TTC21A: variants seen among roughly 807,000 people sequenced by gnomAD.
TTC21A encodes tetratricopeptide repeat domain 21A.
A neutral mutation model predicts 156.4 loss-of-function variants in TTC21A; 128 were observed. The ratio of observed to expected loss-of-function variants is 0.82; its 90% confidence interval spans 0.71 to 0.95. TTC21A has a LOEUF of 0.95. TTC21A is among the 40% of genes least tolerant of loss of function. The probability of loss-of-function intolerance (pLI) is 0.00; values close to 1 mark genes in which losing one functional copy is unlikely to be tolerated. For synonymous variants in TTC21A, 587 were observed against 617.1 expected, an observed-to-expected ratio of 0.95 and a Z score of 0.72; for missense variants, 1,435 against 1,602.3, an observed-to-expected ratio of 0.90 and a Z score of 1.78.
chr3:39,107,898 C>T, intron 1 of TTC21A, 34 bp downstream of exon 1: 1 of 1,609,958 alleles, frequency 6.2e-7, no homozygotes, highest in South Asian at 1.1e-5. Flanking sequence ...AGGGCTCCCT[C>T]GTGACTCCCC....
chr3:39,131,042 G>GC lies in TTC21A; in HGVS notation c.2510dup (p.Val839GlyfsTer6). 1 of 1,613,462 alleles carries GC rather than the reference G, an allele frequency of 6.2e-7. No individual in the cohort carries two copies. Among genetic ancestry groups the GC allele is most frequent in the Non-Finnish European group, 8.5e-7 (1 of 1,180,018 alleles). ...TGATGTTAAGTGCCTGCTTTTGCTG[G>GC]CAAAGGTTTACAAGAGCCATAAAAA... On this transcript the variant is annotated frameshift_variant, in exon 19 of 29. Transcript: ENST00000683103. LOFTEE classifies it high-confidence loss of function.
intron 22 of TTC21A, 136 bp downstream of exon 22, chr3:39,135,310 A>T: frequency 1.3e-6 from 1 of 778,960 alleles, no homozygotes; most frequent in Non-Finnish European, 2.2e-6. Flanking sequence ...CCAGAGAAGC[A>T]GGAAACTGAT....
chr3:39,135,435 G>T (rs910541698), intron 22 of TTC21A, among the ~76,000 whole-genome samples: 1 of 152,240 alleles, frequency 6.6e-6, no homozygotes, highest in Non-Finnish European at 1.5e-5. Context: ...CAGCCAATGG[G>T]GCTTGACACA....
Position 39,125,377 on chromosome 3 carries a change from G to A in TTC21A, c.1237G>A (p.Gly413Arg). ...CCTCCTGATGTCCAGGAAGCACAAG[G>A]GGGAGGAAGAGACCACAGCGCTCCT... ...QALLMSRKHK[G>R]EEETTALLKE... The change falls in exon 11 of 29, where the codon GGG (glycine) becomes AGG (arginine). Residue 413 changes from glycine to arginine, a missense_variant. Gly to Arg is a moderately radical substitution (Grantham distance 125). Transcript: ENST00000683103. The A allele has an allele frequency of 6.2e-7, 1 of 1,614,178 alleles. No homozygotes were observed. The highest frequency in any genetic ancestry group is 1.1e-5 in the South Asian group (1 of 91,072).
chr3:39,134,388 GACC>G lies in TTC21A; in HGVS notation c.2862+62_2862+64del. ...CTTCCTCCCTTCCCAGGGTCCCTGT[GACC>G]AGATGCAGGCTACTTCCTAGCCCCG... On this transcript the variant is annotated intron_variant, in intron 21 of 28. Coordinates refer to ENST00000683103, the MANE Select transcript of TTC21A (RefSeq NM_001366900.1). This position sits in a 1 kb window ranked among gnomAD's most constrained non-coding sequence, Gnocchi z 4.6. 8.2e-7 allele frequency: 1 copy of G among 1,214,532 alleles called. No individual in the cohort carries two copies. Among genetic ancestry groups the G allele is most frequent in the Non-Finnish European group, 1.2e-6 (1 of 815,508 alleles). 75.2% of individuals were successfully genotyped at this position (1,214,532 alleles called of 1,614,324 possible).
intron 1 of TTC21A, chr3:39,108,299 T>C (rs2036424983): frequency 5.4e-6 from 1 of 185,174 alleles, no homozygotes; most frequent in Non-Finnish European, 1.1e-5. Context: ...TATCTTTTTA[T>C]CTTCTAGCCC....
chr3:39,127,778 GC>G lies in TTC21A; in HGVS notation c.1523-551del, dbSNP rs202189826. The stretch of plus-strand genomic sequence containing the variant: ...GAGCTGAAGCTCAGGAACCCAATAG[GC>G]CTGGACGTAAATGCCAACTTCGCCC... On this transcript the variant is annotated intron_variant, in intron 12 of 28. Coordinates refer to ENST00000683103, the MANE Select transcript of TTC21A (RefSeq NM_001366900.1). Among the ~76,000 whole-genome samples, 807 of 152,288 alleles carry G rather than the reference GC, an allele frequency of 5.3e-3. 5 individuals are homozygous for G. Among genetic ancestry groups the G allele is most frequent in the Middle Eastern group, 0.014 (4 of 294 alleles).
chr3:39,121,034 G>GCACC lies in TTC21A; in HGVS notation c.938_939insCACC (p.Phe314ThrfsTer68). On this transcript the variant is annotated frameshift_variant, in exon 9 of 29. Coordinates refer to ENST00000683103, the MANE Select transcript of TTC21A (RefSeq NM_001366900.1). LOFTEE classifies it high-confidence loss of function. ...CAGGTGATTCTAGGGCTAGTGTGTA[G>GCACC]TTTCATCGAGCGCACCTTCATGGCC... 6.2e-7 allele frequency: 1 copy of GCACC among 1,613,288 alleles called. No homozygotes were observed.
chr3:39,138,185 G>T, intron 26 of TTC21A, 82 bp from the exon 27 acceptor site: 1 of 1,596,040 alleles, frequency 6.3e-7, no homozygotes, highest in South Asian at 1.1e-5. Context: ...CCTGCTTCTG[G>T]TTCTGGTCCC....
At chr3:39,110,786 C>A (rs2036753863) in intron 3 of TTC21A, 65 bp from the exon 4 acceptor site, 1 of 1,588,246 alleles carries the variant, frequency 6.3e-7, no homozygotes, top group Admixed American at 1.7e-5. Context: ...CCTCGGTGGC[C>A]CATGCAGAAC....
intron 22 of TTC21A, 39 bp downstream of exon 22, chr3:39,135,213 C>A (rs571897329): frequency 3.1e-5 from 49 of 1,561,412 alleles, no homozygotes; most frequent in Non-Finnish European, 4.3e-5. Flanking sequence ...CCAGTTCCCA[C>A]TGAGCAAGGG....
Position 39,111,007 on chromosome 3 carries a change from G to A in TTC21A, c.425G>A (p.Gly142Asp). ...YIDRMLKISR[G>D]FREAYVLRGW... ...GACCGCATGCTGAAGATTTCTAGAG[G>A]CTTCAGAGAGGTACTTACCACACCA... Residue 142 changes from glycine to aspartate, a missense_variant, in exon 4 of 29, where the codon GGC becomes GAC. Gly to Asp is a moderately conservative substitution (Grantham distance 94, BLOSUM62 -1). Coordinates refer to ENST00000683103, the MANE Select transcript of TTC21A (RefSeq NM_001366900.1). The A allele has an allele frequency of 1.2e-6, 2 of 1,609,318 alleles. No individual in the cohort carries two copies. Among genetic ancestry groups the A allele is most frequent in the Non-Finnish European group, 1.7e-6 (2 of 1,177,062 alleles).
At chr3:39,111,736 A>G (rs1388444320) in intron 4 of TTC21A, among the ~76,000 whole-genome samples, 1 of 152,208 alleles carries the variant, frequency 6.6e-6, no homozygotes, top group Admixed American at 6.5e-5. Context: ...AGGCACTAAC[A>G]TTTCTTGGAA....
In TTC21A at chr3:39,129,284, C is replaced by T. The variant is rs1221854640; in HGVS notation, c.2109C>T (p.Asp703=). Residue 703 remains aspartate (D), a synonymous_variant, in exon 15 of 29, where the codon GAC becomes GAT. Coordinates refer to ENST00000683103, the MANE Select transcript of TTC21A (RefSeq NM_001366900.1). The part of the protein sequence containing the change: ...MANIYLQTLR[D]RRLYIRCYRE... ...ACATCTACCTGCAGACCCTCAGAGA[C>T]AGGCGCCTCTACATCAGATGCTACC... The T allele has an allele frequency of 1.2e-6, 2 of 1,614,180 alleles. No homozygotes were observed. Among genetic ancestry groups the T allele is most frequent in the Admixed American group, 1.7e-5 (1 of 60,030 alleles).
chr3:39,131,085 C>T lies in TTC21A; in HGVS notation c.2552C>T (p.Thr851Ile), dbSNP rs2038696600. 3.7e-6 allele frequency: 6 copies of T among 1,608,354 alleles called. No homozygotes were observed. The highest frequency in any genetic ancestry group is 4.2e-6 in the Non-Finnish European group (5 of 1,179,896). ...CATAAAAAAGAAGCTGTGATAGAAACTTTGAACAAGGTAATTGACAGGTGG... is the reference window on the plus strand; with the variant it reads ...CATAAAAAAGAAGCTGTGATAGAAATTTTGAACAAGGTAATTGACAGGTGG... ...KSHKKEAVIE[T>I]LNKALDLQSR... is the part of the protein sequence containing the mutation. The change falls in exon 19 of 29, where the codon ACT (threonine) becomes ATT (isoleucine). Residue 851 changes from threonine to isoleucine, a missense_variant. Physicochemically the swap from Thr to Ile is moderately conservative, Grantham distance 89 (BLOSUM62 -1). Coordinates refer to ENST00000683103, the MANE Select transcript of TTC21A (RefSeq NM_001366900.1).
Position 39,136,353 on chromosome 3 carries a change from T to A in TTC21A, c.2945-4T>A, listed in dbSNP as rs1402798092. 1.2e-6 allele frequency: 2 copies of A among 1,610,442 alleles called. No individual in the cohort carries two copies. Among genetic ancestry groups the A allele is most frequent in the East Asian group, 4.5e-5 (2 of 44,836 alleles). The stretch of plus-strand genomic sequence containing the variant: ...AGCCTGGAGATTTCTGTCTCTTATT[T>A]TAGACAATTTTTTGGTATTGCATAA... On this transcript the variant is annotated splice_region_variant and splice_polypyrimidine_tract_variant and intron_variant, in intron 22 of 28. Coordinates refer to ENST00000683103, the MANE Select transcript of TTC21A (RefSeq NM_001366900.1).
intron 6 of TTC21A, among the ~76,000 whole-genome samples, chr3:39,116,922 G>A (rs1011338476): frequency 1.4e-4 from 22 of 152,030 alleles, no homozygotes; most frequent in Non-Finnish European, 3.1e-4. Flanking sequence ...TGCCAGGCTG[G>A]TCTTGAACTC....
In TTC21A at chr3:39,118,339, C is replaced by T. The variant is rs1477664637; in HGVS notation, c.801+186C>T. The T allele has an allele frequency of 2.6e-5, 16 of 620,824 alleles. No individual in the cohort carries two copies. In the East Asian group the frequency reaches 2.7e-4, roughly 11 times the overall value. The allele number at this position is 620,824 out of a possible 1,614,324, so 38.5% of individuals were successfully genotyped here. A position where few individuals can be genotyped will look rare whatever the true frequency, so the allele number is the denominator to read the frequency against. ...TGGTTTGACTCTTTGAGTTGTGTAGCTTGGGAGTCAGGCAGCATCAGGCAG... is the reference window on the plus strand; with the variant it reads ...TGGTTTGACTCTTTGAGTTGTGTAGTTTGGGAGTCAGGCAGCATCAGGCAG... On this transcript the variant is annotated intron_variant, in intron 7 of 28. Transcript: ENST00000683103.
chr3:39,121,992 A>G (rs1575523149), intron 9 of TTC21A, among the ~76,000 whole-genome samples: 1 of 152,182 alleles, frequency 6.6e-6, no homozygotes, highest in African/African-American at 2.4e-5. Flanking sequence ...CCCAAATCCC[A>G]TGAAAATAAT....
Sources: gnomAD v4.1 joint callset for allele counts (sites outside exome capture counted in the v4.1 genomes callset) on GRCh38, gnomAD v4.1.1 for gene constraint, Gnocchi (gnomAD v3.1) non-coding constraint, MANE v1.5 for transcripts, NCBI Gene and HGNC (gene_info 2026-07-23, HGNC 2026-07-21) for gene names.